Variants in GRIK1 observed in about 807,000 individuals in gnomAD.
The protein encoded by GRIK1 is glutamate receptor ionotropic, kainate 1.
GRIK1 carries 69 observed loss-of-function variants against 105.7 expected under a neutral mutation model. The ratio of observed to expected loss-of-function variants is 0.65; its 90% CI spans 0.54 to 0.80. The LOEUF (loss-of-function observed/expected upper bound fraction) is 0.80, where lower values mean the gene tolerates loss of function less well. Among genes scored for constraint, GRIK1 ranks in the 30% least tolerant of loss-of-function variants. The probability of loss-of-function intolerance (pLI) is 0.00; values close to 1 mark genes in which losing one functional copy is unlikely to be tolerated. For missense variants in GRIK1, 1,109 were observed against 1,167.3 expected (o/e 0.95, Z 0.73); for synonymous variants, 438 against 431.3 (o/e 1.02, Z -0.19).
chr21:29,868,286 G>A (rs2068895768), intron 1 of GRIK1, among the ~76,000 whole-genome samples: 1 of 152,088 alleles, frequency 6.6e-6, no homozygotes, highest in Admixed American at 6.5e-5. Flanking sequence ...TGTATACCAG[G>A]CTCTCTTGTC....
intron 7 of GRIK1, among the ~76,000 whole-genome samples, chr21:29,629,495 TTC>T (rs1298664849): frequency 6.0e-5 from 9 of 150,878 alleles, no homozygotes; most frequent in Non-Finnish European, 8.9e-5. Flanking sequence ...TTTTCTTTCT[TTC>T]TTTTTTTTTT....
At chr21:29,932,782 T>C (rs1308392112) in intron 1 of GRIK1, among the ~76,000 whole-genome samples, 2 of 152,064 alleles carry the variant, frequency 1.3e-5, no homozygotes, top group African/African-American at 4.8e-5. Flanking sequence ...AAAAATCAGA[T>C]AAGCATTTTA....
At position 29,607,920 on chromosome 21, in the gene GRIK1, T is replaced by C. The variant is rs547516421; in HGVS notation, c.1099-8983A>G. Among the ~76,000 whole-genome samples, 348 of 152,334 alleles carry C rather than the reference T, an allele frequency of 2.3e-3. 1 individual carries two copies. The highest frequency in any genetic ancestry group is 7.7e-3 in the African/African-American group (322 of 41,594). On this transcript the variant is annotated intron_variant, in intron 7 of 17. Transcript: ENST00000327783. ...ATTTTTATATAAACAGTTTTTACAC[T>C]TTATAAGGTATCAGTTGACATGGAA...
intron 1 of GRIK1, among the ~76,000 whole-genome samples, chr21:29,743,501 G>C (rs1413852958): frequency 6.6e-6 from 1 of 152,012 alleles, no homozygotes; most frequent in East Asian, 1.9e-4. Flanking sequence ...TTCGAGACTA[G>C]CCTGGCCAAC....
chr21:29,939,698 C>T lies in GRIK1; in HGVS notation c.-198G>A, dbSNP rs2071911362. ...CTGGCAAGGCTGAGCTCTCTCGGGG[C>T]TCCTCAGTGCTGTCGCTAGCCCATC... On this transcript the variant is annotated 5_prime_UTR_variant, in exon 1 of 18. Transcript: ENST00000327783. The T allele has an allele frequency of 2.0e-6, 1 of 493,926 alleles. No individual in the cohort carries two copies. The highest frequency in any genetic ancestry group is 2.0e-5 in the African/African-American group (1 of 49,030). 30.6% of individuals were successfully genotyped at this position (493,926 alleles called of 1,614,324 possible).
At chr21:29,730,833 C>CA (rs541226017) in intron 1 of GRIK1, among the ~76,000 whole-genome samples, 1 of 151,814 alleles carries the variant, frequency 6.6e-6, no homozygotes, top group East Asian at 1.9e-4. Flanking sequence ...GAGGGAACTT[C>CA]AAAAAATTCA....
intron 1 of GRIK1, among the ~76,000 whole-genome samples, chr21:29,801,945 C>G (rs1023319113): frequency 4.7e-4 from 71 of 151,894 alleles, no homozygotes; most frequent in African/African-American, 1.7e-3. Flanking sequence ...ACAAAGCAAA[C>G]AGCAAAAAAG....
intron 4 of GRIK1, among the ~76,000 whole-genome samples, chr21:29,655,535 G>A (rs1421553543): frequency 6.6e-6 from 1 of 152,088 alleles, no homozygotes; most frequent in East Asian, 1.9e-4. Flanking sequence ...GTATTTCATT[G>A]ATCTCCCTAC....
chr21:29,635,730 A>T (rs2062385419), intron 7 of GRIK1, among the ~76,000 whole-genome samples: 1 of 152,186 alleles, frequency 6.6e-6, no homozygotes, highest in Non-Finnish European at 1.5e-5. Context: ...TGTGCACCAG[A>T]TTTAAATCCA....
rs764157003 is a variant in GRIK1 at position 29,672,939 on chromosome 21, A to G, written c.726+44T>C. Reference sequence around the variant, plus strand: ...AGATGGCATTTTTGAAAAATAGAAAATAACATTTATCCCACACCTCCACCT... The same window carrying G: ...AGATGGCATTTTTGAAAAATAGAAAGTAACATTTATCCCACACCTCCACCT... On this transcript the variant is annotated intron_variant, in intron 4 of 17. Transcript: ENST00000327783. 6.3e-6 allele frequency: 9 copies of G among 1,428,822 alleles called. No individual in the cohort carries two copies. In the East Asian group the frequency reaches 2.1e-4, roughly 33 times the overall value. 88.5% of individuals were successfully genotyped at this position (1,428,822 alleles called of 1,614,324 possible).
intron 16 of GRIK1, among the ~76,000 whole-genome samples, chr21:29,549,371 T>A (rs778222947): frequency 4.6e-4 from 70 of 152,158 alleles, no homozygotes; most frequent in Non-Finnish European, 8.8e-4. Flanking sequence ...AAAAGCTATT[T>A]AAAAAAATAA....
intron 1 of GRIK1, among the ~76,000 whole-genome samples, chr21:29,783,855 T>TAC (rs1395468448): frequency 6.6e-6 from 1 of 152,232 alleles, no homozygotes; most frequent in Admixed American, 6.5e-5. Flanking sequence ...GTCCAAAGGA[T>TAC]ACACAGAAAA....
At chr21:29,596,731 C>G (rs533251635) in intron 8 of GRIK1, 161 bp from the exon 9 acceptor site, 5 of 648,102 alleles carry the variant, frequency 7.7e-6, no homozygotes, top group African/African-American at 3.6e-5. Flanking sequence ...ACAATAGGTA[C>G]AGCAAAGAGA....
intron 1 of GRIK1, among the ~76,000 whole-genome samples, chr21:29,695,568 A>G (rs558256589): frequency 1.3e-5 from 2 of 152,086 alleles, no homozygotes; most frequent in East Asian, 1.9e-4. Context: ...TCCGCCTCCC[A>G]GGTTCAAGCA....
chr21:29,884,937 C>A (rs2069555368), intron 1 of GRIK1, among the ~76,000 whole-genome samples: 1 of 151,932 alleles, frequency 6.6e-6, no homozygotes, highest in South Asian at 2.1e-4. Flanking sequence ...CACTTGGTGA[C>A]GATGTTGCTC....
intron 4 of GRIK1, among the ~76,000 whole-genome samples, chr21:29,664,808 A>C (rs948972935): frequency 1.3e-5 from 2 of 152,160 alleles, no homozygotes; most frequent in African/African-American, 4.8e-5. Flanking sequence ...GTAATTTTTA[A>C]ACCACTTTAG....
chr21:29,626,629 G>A (rs922566266), intron 7 of GRIK1, among the ~76,000 whole-genome samples: 14 of 152,062 alleles, frequency 9.2e-5, no homozygotes, highest in African/African-American at 3.4e-4. Context: ...TATTAATAGG[G>A]CACTGTTTGA....
intron 7 of GRIK1, among the ~76,000 whole-genome samples, chr21:29,636,111 T>G (rs1356922250): frequency 6.6e-6 from 1 of 151,520 alleles, no homozygotes; most frequent in Non-Finnish European, 1.5e-5. Flanking sequence ...GCCACAGGAG[T>G]TGGGAGGAAG....
At chr21:29,894,782 A>G (rs2070058868) in intron 1 of GRIK1, among the ~76,000 whole-genome samples, 1 of 152,168 alleles carries the variant, frequency 6.6e-6, no homozygotes, top group Non-Finnish European at 1.5e-5. Context: ...TCTCTTTGCC[A>G]AAAATTGATG....
Sources: allele counts gnomAD v4.1 joint callset (sites outside exome capture counted in the v4.1 genomes callset), GRCh38; gene constraint gnomAD v4.1.1; transcripts MANE v1.5; gene names NCBI Gene and HGNC (gene_info 2026-07-23, HGNC 2026-07-21).